Variants in ITGB4 observed in about 807,000 individuals in gnomAD.
The protein encoded by ITGB4 is integrin subunit beta 4, also known as integrin beta-4.
Under a neutral mutation model 207.6 loss-of-function variants are expected in ITGB4, and 159 were observed. The ratio of observed to expected loss-of-function variants is 0.77; its 90% CI spans 0.67 to 0.87. The LOEUF (loss-of-function observed/expected upper bound fraction) is 0.87. Among genes scored for constraint, ITGB4 ranks in the 40% least tolerant of loss-of-function variants. ITGB4 has a pLI of 0.00. For synonymous variants in ITGB4, 1,020 were observed against 1,062.7 expected (o/e 0.96, Z 0.78); for missense variants, 2,278 against 2,546.8 (o/e 0.89, Z 2.27).
Position 75,727,262 on chromosome 17 carries a change from C to G in ITGB4, c.147C>G (p.Ala49=). Residue 49 remains alanine, a synonymous_variant, in exon 3 of 40, where the codon GCC becomes GCG. Transcript: ENST00000200181. This position sits in a 1 kb window ranked among gnomAD's most constrained non-coding sequence, Gnocchi z 6.0. ...TECVRVDKDC[A]YCTDEMFRDR... ...GTGTCCGTGTGGATAAGGACTGCGC[C>G]TACTGCACAGACGAGGTGAGGACCT... 5 of 1,614,052 alleles carry G rather than the reference C, an allele frequency of 3.1e-6. No homozygotes were observed. Among genetic ancestry groups the G allele is most frequent in the Non-Finnish European group, 4.2e-6 (5 of 1,179,980 alleles).
intron 34 of ITGB4, 69 bp from the exon 35 acceptor site, chr17:75,755,632 G>T (rs2061479399): frequency 1.3e-6 from 2 of 1,592,704 alleles, no homozygotes; most frequent in Non-Finnish European, 1.7e-6. Context: ...AGGTCAGGGG[G>T]CAGCACTGTG....
rs747199450 is a variant in ITGB4 at position 75,727,171 on chromosome 17, A to G, written c.80-24A>G. ...GCCTTTGCTGAGCGCCTCCCCATTC[A>G]TGTGCCCACATCTGTCCCCCCAGCA... On this transcript the variant is annotated intron_variant, in intron 2 of 39. Transcript: ENST00000200181. The surrounding 1 kb of genome is among the most constrained non-coding windows in gnomAD (Gnocchi z 6.0). 1 of 1,611,206 alleles carries G rather than the reference A, an allele frequency of 6.2e-7. No homozygotes were observed. The highest frequency in any genetic ancestry group is 8.5e-7 in the Non-Finnish European group (1 of 1,178,124).
rs2061351963 is a variant in ITGB4, at chr17:75,750,865, G to A, written c.3655+5G>A. ...CCTGCCGCACCCACCAGGAAGGTGA[G>A]GCCTCGCCATGTCTGTCCATTTGTC... is the stretch of plus-strand genomic sequence containing the variant. On this transcript the variant is annotated splice_donor_5th_base_variant and intron_variant, in intron 29 of 39. Transcript: ENST00000200181. The surrounding 1 kb of genome is among the most constrained non-coding windows in gnomAD (Gnocchi z 5.5). 7 of 1,613,382 alleles carry A rather than the reference G, an allele frequency of 4.3e-6. No homozygotes were observed. The highest frequency in any genetic ancestry group is 5.9e-6 in the Non-Finnish European group (7 of 1,180,006).
At chr17:75,745,575 A>T (rs1457973232) in intron 26 of ITGB4, among the ~76,000 whole-genome samples, 2 of 151,894 alleles carry the variant, frequency 1.3e-5, no homozygotes, top group African/African-American at 4.8e-5. Context: ...CTCTATTTTA[A>T]AAAAATAATA....
Position 75,754,656 on chromosome 17 carries a change from G to A in ITGB4, c.4399G>A (p.Ala1467Thr). ...SLHRMTTTSA[A>T]AYGTHLSPHV... ...GCACAGGATGACCACGACCAGTGCT[G>A]CTGCCTATGGCACCCACCTGAGCCC... is the stretch of plus-strand genomic sequence containing the variant. Residue 1467 changes from alanine (A) to threonine (T), a missense_variant, in exon 34 of 40, where the codon GCT becomes ACT. Transcript: ENST00000200181. The A allele has an allele frequency of 6.2e-7, 1 of 1,613,994 alleles. No homozygotes were observed. Among genetic ancestry groups the A allele is most frequent in the Non-Finnish European group, 8.5e-7 (1 of 1,179,988 alleles).
intron 6 of ITGB4, among the ~76,000 whole-genome samples, chr17:75,728,837 A>G (rs1410719940): frequency 1.3e-5 from 2 of 152,088 alleles, no homozygotes; most frequent in Non-Finnish European, 2.9e-5. Flanking sequence ...ACAAAAGATT[A>G]GCCAGGCGTG....
In ITGB4 at chr17:75,727,786, A is replaced by C. The variant is rs756909804; in HGVS notation, c.400A>C (p.Ile134Leu). The part of the protein sequence containing the change: ...EPLESPVDLY[I>L]LMDFSNSMSD... ...ACTGGAGAGCCCCGTGGACCTGTAC[A>C]TCCTCATGGACTTCTCCAACTCCAT... The change falls in exon 5 of 40, where the codon ATC becomes CTC. Residue 134 changes from isoleucine to leucine, a missense_variant. Transcript: ENST00000200181. The surrounding 1 kb of genome is among the most constrained non-coding windows in gnomAD (Gnocchi z 6.0). 1 of 1,614,116 alleles carries C rather than the reference A, an allele frequency of 6.2e-7. No individual in the cohort carries two copies. Among genetic ancestry groups the C allele is most frequent in the South Asian group, 1.1e-5 (1 of 91,082 alleles).
chr17:75,743,574 C>A, intron 25 of ITGB4, 139 bp from the exon 26 acceptor site: 1 of 1,151,794 alleles, frequency 8.7e-7, no homozygotes, highest in Non-Finnish European at 1.3e-6. Context: ...CGCTCCTGTG[C>A]CCTTCCCAGA....
At chr17:75,754,848 C>T in intron 34 of ITGB4, 33 bp downstream of exon 34, 2 of 1,613,780 alleles carry the variant, frequency 1.2e-6, no homozygotes, top group Non-Finnish European at 8.5e-7. Flanking sequence ...GCCTCTCCCA[C>T]TAACCCTTCC....
chr17:75,742,701 C>T lies in ITGB4; in HGVS notation c.2902C>T (p.Pro968Ser). 6.2e-7 allele frequency: 1 copy of T among 1,613,766 alleles called. No homozygotes were observed. Among genetic ancestry groups the T allele is most frequent in the Non-Finnish European group, 8.5e-7 (1 of 1,180,030 alleles). The change falls in exon 25 of 40, where the codon CCC becomes TCC. Residue 968 changes from proline to serine, a missense_variant. Physicochemically the swap from Pro to Ser is moderately conservative, Grantham distance 74. Transcript: ENST00000200181. This position sits in a 1 kb window ranked among gnomAD's most constrained non-coding sequence, Gnocchi z 5.9. Reference protein sequence around the residue: ...KQLLVEAIDVPAGTATLGRRL... With the variant: ...KQLLVEAIDVSAGTATLGRRL... ...GCTGCTGGTGGAGGCCATCGACGTG[C>T]CCGCAGGCACTGCCACCCTCGGCCG...
intron 26 of ITGB4, among the ~76,000 whole-genome samples, chr17:75,745,132 C>A (rs1296367466): frequency 1.3e-5 from 2 of 152,118 alleles, no homozygotes; most frequent in Non-Finnish European, 2.9e-5. Context: ...GTGGCTCACA[C>A]CTGTAATCCC....
intron 32 of ITGB4, 126 bp from the exon 33 acceptor site, chr17:75,753,639 A>C (rs2061418591): frequency 5.2e-6 from 3 of 576,378 alleles, no homozygotes; most frequent in African/African-American, 3.9e-5. Context: ...CGCCCCCAAC[A>C]CACACCCCGG....
Position 75,740,384 on chromosome 17 carries a change from G to C in ITGB4, c.2473G>C (p.Ala825Pro). Reference protein sequence around the residue: ...LVPYGLSLRLARLCTENLLKP... With the variant: ...LVPYGLSLRLPRLCTENLLKP... Reference sequence around the variant, plus strand: ...GCCCTACGGGCTGTCCTTGCGCCTGGCCCGCCTTTGCACCGAGAACCTGCT... The same window carrying C: ...GCCCTACGGGCTGTCCTTGCGCCTGCCCCGCCTTTGCACCGAGAACCTGCT... The change falls in exon 21 of 40, where the codon GCC becomes CCC. Residue 825 changes from alanine (A) to proline (P), a missense_variant. By Grantham distance (27) the Ala-to-Pro change is conservative. Transcript: ENST00000200181. The surrounding 1 kb of genome is among the most constrained non-coding windows in gnomAD (Gnocchi z 5.9). 6.2e-7 allele frequency: 1 copy of C among 1,613,694 alleles called. No homozygotes were observed. The highest frequency in any genetic ancestry group is 8.5e-7 in the Non-Finnish European group (1 of 1,180,010).
chr17:75,722,587 A>G lies in ITGB4; in HGVS notation c.-11+975A>G, dbSNP rs1318344708. Reference sequence around the variant, plus strand: ...GAACAGCCAAGGGCCTGGGGTCCCCAGACTTCTGGCCAGCTGCCTCTCTGG... The same window carrying G: ...GAACAGCCAAGGGCCTGGGGTCCCCGGACTTCTGGCCAGCTGCCTCTCTGG... On this transcript the variant is annotated intron_variant, in intron 1 of 39. Transcript: ENST00000200181. The surrounding 1 kb of genome is among the most constrained non-coding windows in gnomAD (Gnocchi z 6.2). Among the ~76,000 whole-genome samples the G allele has an allele frequency of 6.6e-6, 1 of 152,164 alleles. No homozygotes were observed. Among genetic ancestry groups the G allele is most frequent in the Non-Finnish European group, 1.5e-5 (1 of 68,018 alleles).
At chr17:75,725,495 T>C (rs906179054) in intron 2 of ITGB4, among the ~76,000 whole-genome samples, 1 of 152,082 alleles carries the variant, frequency 6.6e-6, no homozygotes, top group Non-Finnish European at 1.5e-5. Context: ...AACAATTTTT[T>C]TGTAGAGACA....
rs2061459035 is a variant in ITGB4 at position 75,754,967 on chromosome 17, CACACAT to C, written c.4558+153_4558+158del. The C allele has an allele frequency of 2.0e-6, 3 of 1,535,058 alleles. No individual in the cohort carries two copies. The African/African-American group carries it at 4.1e-5, about 21-fold the overall frequency. The stretch of plus-strand genomic sequence containing the variant: ...GCACGCACACACGTGCACACGCATG[CACACAT>C]GTACACAGACATGCATGCGCACACG... On this transcript the variant is annotated intron_variant, in intron 34 of 39. Transcript: ENST00000200181.
intron 30 of ITGB4, 42 bp from the exon 31 acceptor site, chr17:75,752,132 C>G: frequency 1.2e-5 from 19 of 1,600,450 alleles, no homozygotes; most frequent in Non-Finnish European, 1.6e-5. Flanking sequence ...TGGGACCAGG[C>G]TGGGACCTGG....
rs1186485186 is a variant in ITGB4, at chr17:75,729,304, C to T, written c.606C>T (p.Ser202=). The T allele has an allele frequency of 1.2e-6, 2 of 1,614,196 alleles. No individual in the cohort carries two copies. The highest frequency in any genetic ancestry group is 1.7e-6 in the Non-Finnish European group (2 of 1,180,034). The change falls in exon 7 of 40, where the codon TCC becomes TCT. Residue 202 remains serine, a synonymous_variant. Coordinates refer to ENST00000200181, the MANE Select transcript of ITGB4 (RefSeq NM_000213.5). The surrounding 1 kb of genome is among the most constrained non-coding windows in gnomAD (Gnocchi z 4.4). ...GGCCCAACAGTGACCCCCCCTTCTC[C>T]TTCAAGAACGTCATCAGCCTGACAG... is the stretch of plus-strand genomic sequence containing the variant. ...EPWPNSDPPF[S]FKNVISLTED... is the part of the protein sequence containing the mutation.
intron 33 of ITGB4, 39 bp from the exon 34 acceptor site, chr17:75,754,537 G>C (rs2061441577): frequency 6.2e-7 from 1 of 1,612,282 alleles, no homozygotes; most frequent in African/African-American, 1.3e-5. Flanking sequence ...CCCGGGTCTG[G>C]GGCAGGCCTG....
Sources: allele counts gnomAD v4.1 joint callset (sites outside exome capture counted in the v4.1 genomes callset), GRCh38; gene constraint gnomAD v4.1.1; non-coding constraint Gnocchi (gnomAD v3.1); transcripts MANE v1.5; gene names NCBI Gene and HGNC (gene_info 2026-07-23, HGNC 2026-07-21).